CCDC125: variants seen among roughly 807,000 people sequenced by gnomAD.
The protein encoded by CCDC125 is coiled-coil domain containing 125, also known as coiled-coil domain-containing protein 125.
A neutral mutation model predicts 57.4 loss-of-function variants in CCDC125; 43 were observed. That is an observed-to-expected ratio of 0.75 (90% confidence interval 0.59 to 0.97). The LOEUF is 0.97. Ranked by LOEUF, CCDC125 falls within the 50% of genes least tolerant of loss-of-function variation. CCDC125 has a pLI of 0.00. For missense variants in CCDC125, 563 were observed against 595.7 expected, an observed-to-expected ratio of 0.95 and a Z score of 0.57; for synonymous variants, 187 against 195.2, an observed-to-expected ratio of 0.96 and a Z score of 0.35.
rs936927514 is a variant in CCDC125, at chr5:69,282,116, T to G, written c.*613A>C. On this transcript the variant is annotated 3_prime_UTR_variant, in exon 12 of 12. Coordinates refer to ENST00000396496, the MANE Select transcript of CCDC125 (RefSeq NM_176816.5). Reference sequence around the variant, plus strand: ...CATGTTGGTCAGACTGGTCTTGAACTCCAGCCTCAGGTGACCCACCCACCT... The same window carrying G: ...CATGTTGGTCAGACTGGTCTTGAACGCCAGCCTCAGGTGACCCACCCACCT... The G allele has an allele frequency of 2.6e-5, 4 of 152,048 alleles. No homozygotes were observed. The highest frequency in any genetic ancestry group is 9.7e-5 in the African/African-American group (4 of 41,412). 9.4% of individuals were successfully genotyped at this position (152,048 alleles called of 1,614,324 possible). A position where few individuals can be genotyped will look rare whatever the true frequency, so the allele number is the denominator to read the frequency against.
chr5:69,294,952 T>A (rs1377505047), intron 8 of CCDC125, 52 bp from the exon 9 acceptor site: 2 of 1,488,860 alleles, frequency 1.3e-6, no homozygotes, highest in Non-Finnish European at 1.9e-6. Flanking sequence ...CTGTTTTAGC[T>A]GCACACAAAC....
chr5:69,281,833 T>C lies in CCDC125; in HGVS notation c.*896A>G, dbSNP rs1452684241. ...GTCAATCAAAATAGTTAAATAATTTTTTGTTTTTCCCAAAAATCATTATTT... is the reference window on the plus strand; with the variant it reads ...GTCAATCAAAATAGTTAAATAATTTCTTGTTTTTCCCAAAAATCATTATTT... On this transcript the variant is annotated 3_prime_UTR_variant, in exon 12 of 12. Transcript: ENST00000396496. The C allele has an allele frequency of 1.3e-5, 2 of 152,166 alleles. No homozygotes were observed. Among genetic ancestry groups the C allele is most frequent in the African/African-American group, 4.8e-5 (2 of 41,436 alleles). 9.4% of individuals were successfully genotyped at this position (152,166 alleles called of 1,614,324 possible).
In CCDC125 at chr5:69,282,475, T is replaced by C. The variant is rs958573824; in HGVS notation, c.*254A>G. 1.8e-5 allele frequency: 6 copies of C among 329,312 alleles called. No homozygotes were observed. Among genetic ancestry groups the C allele is most frequent in the African/African-American group, 8.6e-5 (4 of 46,602 alleles). 20.4% of individuals were successfully genotyped at this position (329,312 alleles called of 1,614,324 possible). A position where few individuals can be genotyped will look rare whatever the true frequency, so the allele number is the denominator to read the frequency against. Reference sequence around the variant, plus strand: ...TACTCGGGAGGCTGAGGCAGGAGAATTGCTTGAACCGGGAGGCGGAGGTTG... The same window carrying C: ...TACTCGGGAGGCTGAGGCAGGAGAACTGCTTGAACCGGGAGGCGGAGGTTG... On this transcript the variant is annotated 3_prime_UTR_variant, in exon 12 of 12. Transcript: ENST00000396496.
At chr5:69,331,227 G>A (rs1232526154) in intron 1 of CCDC125, among the ~76,000 whole-genome samples, 2 of 151,804 alleles carry the variant, frequency 1.3e-5, no homozygotes, top group Admixed American at 6.6e-5. Flanking sequence ...GCTTGAACTT[G>A]GGAGGTGGAG....
rs1580130607 is a variant in CCDC125, at chr5:69,308,000, G to GT, written c.481dup (p.Thr161AsnfsTer29). ...CATAGTTTTTTGAAGCACTGCCTGC[G>GT]TATGACTTGTGGCTTTGCCCAGTAT... On this transcript the variant is annotated frameshift_variant, in exon 5 of 12. Transcript: ENST00000396496. LOFTEE classifies it high-confidence loss of function. 3 of 1,613,882 alleles carry GT rather than the reference G, an allele frequency of 1.9e-6. No homozygotes were observed. The highest frequency in any genetic ancestry group is 2.5e-6 in the Non-Finnish European group (3 of 1,179,836).
chr5:69,277,430 A>G, downstream of CCDC125: 1 of 256,972 alleles, frequency 3.9e-6, no homozygotes, highest in Non-Finnish European at 7.4e-6. Context: ...GGAAGATCTG[A>G]CCCATATAGT....
chr5:69,307,940 G>C lies in CCDC125; in HGVS notation c.531+11C>G, dbSNP rs368472471. 6.2e-7 allele frequency: 1 copy of C among 1,603,110 alleles called. No homozygotes were observed. The highest frequency in any genetic ancestry group is 1.3e-5 in the African/African-American group (1 of 74,824). ...TGGATTCAATAAGTCTACACTAAAA[G>C]CACCAAATACCTTCTCCAAGGATCT... is the stretch of plus-strand genomic sequence containing the variant. On this transcript the variant is annotated intron_variant, in intron 5 of 11. Coordinates refer to ENST00000396496, the MANE Select transcript of CCDC125 (RefSeq NM_176816.5).
Position 69,320,329 on chromosome 5 carries a change from T to G in CCDC125, c.212A>C (p.Glu71Ala), listed in dbSNP as rs112029722. 495 of 1,614,098 alleles carry G rather than the reference T, an allele frequency of 3.1e-4. 3 individuals are homozygous for G. The African/African-American group carries it at 5.9e-3, about 19-fold the overall frequency. Residue 71 changes from glutamate (E) to alanine (A), a missense_variant, in exon 2 of 12, where the codon GAA becomes GCA. By Grantham distance (107) the Glu-to-Ala change is moderately radical. Coordinates refer to ENST00000396496, the MANE Select transcript of CCDC125 (RefSeq NM_176816.5). ...PFPRKGEERN[E>A]ASFQYSKHKS... is the part of the protein sequence containing the mutation. ...ATGCTTGGAATACTGAAAACTCGCT[T>G]CATTTCTTTCTTCTCCCTTTCTCGG...
chr5:69,295,654 G>A (rs377013483), intron 8 of CCDC125, among the ~76,000 whole-genome samples: 2 of 152,158 alleles, frequency 1.3e-5, no homozygotes, highest in African/African-American at 4.8e-5. Flanking sequence ...CTAACTCAGA[G>A]CAGATGACTT....
At chr5:69,283,717 G>A (rs1579929175) in intron 11 of CCDC125, among the ~76,000 whole-genome samples, 1 of 148,940 alleles carries the variant, frequency 6.7e-6, no homozygotes, top group East Asian at 2.0e-4. Context: ...CGAACTCCTG[G>A]CCTCAAGTGA....
intron 10 of CCDC125, among the ~76,000 whole-genome samples, chr5:69,289,516 T>A (rs7733556): frequency 0.36 from 54,491 of 152,076 alleles, 10,651 homozygotes; most frequent in East Asian, 0.5. Flanking sequence ...TTATGAAGAG[T>A]TTATTATAGA....
At position 69,297,285 on chromosome 5, in the gene CCDC125, C is replaced by T. The variant is rs565332482; in HGVS notation, c.817-2385G>A. Among the ~76,000 whole-genome samples, 22 of 152,132 alleles carry T rather than the reference C, an allele frequency of 1.4e-4. No individual in the cohort carries two copies. The South Asian group carries it at 4.4e-3, about 30-fold the overall frequency. On this transcript the variant is annotated intron_variant, in intron 8 of 11. Transcript: ENST00000396496. ...CGAACTCCTGACCGCAAATGATCCA[C>T]CTGCCTCGGCATCCCAAAGCGCTGG...
chr5:69,277,085 T>C (rs751340229), downstream of CCDC125: 4 of 1,582,452 alleles, frequency 2.5e-6, no homozygotes, highest in South Asian at 4.8e-5. Flanking sequence ...CTTTTTTTTT[T>C]CTTGTTCTTT....
chr5:69,273,493 C>T, the CCDC125 span, among the ~76,000 whole-genome samples: 2 of 152,074 alleles, frequency 1.3e-5, no homozygotes, highest in Non-Finnish European at 2.9e-5. Flanking sequence ...ATCATTCTCA[C>T]ATTGAGAACA....
intron 3 of CCDC125, among the ~76,000 whole-genome samples, chr5:69,311,677 A>C (rs966775850): frequency 1.3e-5 from 2 of 150,296 alleles, no homozygotes; most frequent in African/African-American, 4.9e-5. Flanking sequence ...ATAGCTGGGC[A>C]TGGTGGCTCA....
intron 9 of CCDC125, among the ~76,000 whole-genome samples, chr5:69,292,893 T>C (rs1754692309): frequency 6.6e-6 from 1 of 151,452 alleles, no homozygotes; most frequent in Admixed American, 6.6e-5. Flanking sequence ...CAGGCTGGAG[T>C]GCAGTGTCGT....
chr5:69,321,044 G>A (rs186458860), intron 1 of CCDC125, among the ~76,000 whole-genome samples: 111 of 152,280 alleles, frequency 7.3e-4, no homozygotes, highest in African/African-American at 2.6e-3. Flanking sequence ...ATGGGGAAAT[G>A]ATGGTCAAAG....
At chr5:69,329,626 C>CT (rs1446986406) in intron 1 of CCDC125, among the ~76,000 whole-genome samples, 1 of 151,682 alleles carries the variant, frequency 6.6e-6, no homozygotes, top group African/African-American at 2.4e-5. Context: ...CCTCAGCCTC[C>CT]TGAGTAGCTG....
At chr5:69,287,209 A>C (rs530622742) in intron 10 of CCDC125, among the ~76,000 whole-genome samples, 1 of 152,194 alleles carries the variant, frequency 6.6e-6, no homozygotes, top group African/African-American at 2.4e-5. Context: ...TGAGAAACTG[A>C]GAAAGAACTA....
Sources: gnomAD v4.1 joint callset for allele counts (sites outside exome capture counted in the v4.1 genomes callset) on GRCh38, gnomAD v4.1.1 for gene constraint, MANE v1.5 for transcripts, NCBI Gene and HGNC (gene_info 2026-07-23, HGNC 2026-07-21) for gene names.